Variants in VPS13A observed in about 807,000 individuals in gnomAD.
VPS13A encodes vacuolar protein sorting 13 homolog A.
Under a neutral mutation model 390.9 loss-of-function variants are expected in VPS13A, and 264 were observed. That is an observed-to-expected ratio of 0.68 (90% CI 0.61 to 0.75). The LOEUF (loss-of-function observed/expected upper bound fraction) is 0.75, where lower values mean the gene tolerates loss of function less well. Ranked by LOEUF, VPS13A falls within the 30% of genes least tolerant of loss-of-function variation. The pLI, the probability that VPS13A is intolerant of heterozygous loss-of-function variation, is 0.00. For synonymous variants in VPS13A, 1,231 were observed against 1,227.1 expected (o/e 1.00, Z -0.07); for missense variants, 3,409 against 3,733.9 (o/e 0.91, Z 2.27).
intron 45 of VPS13A, among the ~76,000 whole-genome samples, chr9:77,327,633 A>ATAT (rs563581300): frequency 0.022 from 3,363 of 149,642 alleles, 60 homozygotes; most frequent in Non-Finnish European, 0.03. Context: ...AGGTTTTCTG[A>ATAT]TATTATTATT....
At chr9:77,214,284 A>G (rs1416189190) in intron 9 of VPS13A, 45 bp from the exon 10 acceptor site, 1 of 1,557,310 alleles carries the variant, frequency 6.4e-7, no homozygotes, top group Admixed American at 1.7e-5. Context: ...TCAAAAAAAG[A>G]CATATTGGCA....
intron 1 of VPS13A, among the ~76,000 whole-genome samples, chr9:77,179,692 T>TG (rs199780224): frequency 1.3e-5 from 2 of 152,020 alleles, no homozygotes; most frequent in Non-Finnish European, 1.5e-5. Context: ...TGTACGTTTT[T>TG]TTTTTTTTTT....
intron 31 of VPS13A, among the ~76,000 whole-genome samples, chr9:77,286,103 G>A (rs1827307452): frequency 6.6e-6 from 1 of 152,192 alleles, no homozygotes; most frequent in South Asian, 2.1e-4. Flanking sequence ...GGCACATAGT[G>A]TGTAGCTGTC....
At chr9:77,196,529 A>G (rs949375953) in intron 1 of VPS13A, among the ~76,000 whole-genome samples, 4 of 151,938 alleles carry the variant, frequency 2.6e-5, no homozygotes, top group African/African-American at 9.7e-5. Flanking sequence ...TCTATACACT[A>G]CTTCTATGAG....
intron 5 of VPS13A, among the ~76,000 whole-genome samples, chr9:77,207,705 G>T (rs1376950996): frequency 6.6e-6 from 1 of 152,020 alleles, no homozygotes; most frequent in Non-Finnish European, 1.5e-5. Context: ...TGGATATTGG[G>T]CTGGGAGAGA....
intron 67 of VPS13A, among the ~76,000 whole-genome samples, chr9:77,374,757 G>A (rs1320324499): frequency 2.6e-5 from 4 of 152,084 alleles, no homozygotes; most frequent in Admixed American, 6.6e-5. Context: ...GTGAAATTTA[G>A]TAGTTTCTTT....
intron 33 of VPS13A, among the ~76,000 whole-genome samples, chr9:77,297,059 G>T (rs1439432171): frequency 1.3e-5 from 2 of 151,366 alleles, no homozygotes; most frequent in Non-Finnish European, 2.9e-5. Flanking sequence ...CCGTTTTATT[G>T]ATCTTAAGCA....
chr9:77,339,705 G>T lies in VPS13A; in HGVS notation c.6568G>T (p.Glu2190Ter). Residue 2190 changes from glutamate (E) to a stop codon, truncating the protein, a stop_gained, in exon 48 of 72, where the codon GAA (glutamate) becomes TAA (stop). Coordinates refer to ENST00000360280, the MANE Select transcript of VPS13A (RefSeq NM_033305.3). LOFTEE classifies it high-confidence loss of function. ...CAGTTTTACTTGTGTTACAGAAATG[G>T]AAAAGACTGATTTAGATATTGCTGT... ...FVSFTCVTEM[E>*]KTDLDIAVHM... 6.2e-7 allele frequency: 1 copy of T among 1,613,900 alleles called. No individual in the cohort carries two copies. Among genetic ancestry groups the T allele is most frequent in the Non-Finnish European group, 8.5e-7 (1 of 1,179,950 alleles).
intron 25 of VPS13A, 61 bp downstream of exon 25, chr9:77,275,713 T>C (rs551797090): frequency 6.6e-7 from 1 of 1,514,358 alleles, no homozygotes; most frequent in East Asian, 2.3e-5. Context: ...ATTTACAGCT[T>C]ACTATATAGT....
chr9:77,358,457 A>G lies in VPS13A; in HGVS notation c.8035+19A>G. 1 of 1,591,156 alleles carries G rather than the reference A, an allele frequency of 6.3e-7. No individual in the cohort carries two copies. The highest frequency in any genetic ancestry group is 1.1e-5 in the South Asian group (1 of 90,538). On this transcript the variant is annotated intron_variant, in intron 57 of 71. Coordinates refer to ENST00000360280, the MANE Select transcript of VPS13A (RefSeq NM_033305.3). Reference sequence around the variant, plus strand: ...GATTCAGGTTTGTTTTTATTTTTAGATTTCCATAAAAGCAGTTGTATTAGC... The same window carrying G: ...GATTCAGGTTTGTTTTTATTTTTAGGTTTCCATAAAAGCAGTTGTATTAGC...
chr9:77,197,486 A>C (rs758556790), intron 1 of VPS13A, among the ~76,000 whole-genome samples: 5 of 152,148 alleles, frequency 3.3e-5, no homozygotes, highest in Non-Finnish European at 5.9e-5. Context: ...TTTTTAGTGA[A>C]GTGTCGGTTT....
At position 77,219,946 on chromosome 9, in the gene VPS13A, T is replaced by C; in HGVS notation, c.755-8T>C. ...CTCAGTTTTTTTTCCATTTTTATTATTTTTCAGTATTTCGTCCCATATCTG... is the reference window on the plus strand; with the variant it reads ...CTCAGTTTTTTTTCCATTTTTATTACTTTTCAGTATTTCGTCCCATATCTG... On this transcript the variant is annotated splice_region_variant and splice_polypyrimidine_tract_variant and intron_variant, in intron 10 of 71. Transcript: ENST00000360280. 1 of 1,613,284 alleles carries C rather than the reference T, an allele frequency of 6.2e-7. No individual in the cohort carries two copies. Among genetic ancestry groups the C allele is most frequent in the Non-Finnish European group, 8.5e-7 (1 of 1,179,454 alleles).
At chr9:77,213,056 A>G in intron 8 of VPS13A, 28 bp downstream of exon 8, 1 of 1,612,872 alleles carries the variant, frequency 6.2e-7, no homozygotes. Flanking sequence ...TTGTCAACTC[A>G]TGGACTTAAG....
chr9:77,376,072 T>TC (rs1271997785), intron 67 of VPS13A, among the ~76,000 whole-genome samples: 12 of 152,000 alleles, frequency 7.9e-5, no homozygotes, highest in Non-Finnish European at 1.8e-4. Context: ...CATAAGATTA[T>TC]ATTTGAGGAG....
chr9:77,233,563 T>C (rs1036010428), intron 17 of VPS13A, among the ~76,000 whole-genome samples: 2 of 152,204 alleles, frequency 1.3e-5, no homozygotes, highest in Non-Finnish European at 2.9e-5. Flanking sequence ...CTGTGAGAAC[T>C]GCTTTGGATA....
At chr9:77,209,579 T>G (rs1825858567) in intron 6 of VPS13A, 47 bp downstream of exon 6, 3 of 1,225,152 alleles carry the variant, frequency 2.4e-6, no homozygotes, top group Admixed American at 3.9e-5. Flanking sequence ...TATATGTAAG[T>G]TATTTTACTA....
chr9:77,177,828 C>T, intron 1 of VPS13A, 24 bp downstream of exon 1: 2 of 1,594,508 alleles, frequency 1.3e-6, no homozygotes, highest in Non-Finnish European at 1.7e-6. Context: ...CGCCGCCGCT[C>T]CCCGGCCTCT....
At chr9:77,356,677 A>G (rs1831798802) in intron 54 of VPS13A, 37 bp from the exon 55 acceptor site, 1 of 1,559,586 alleles carries the variant, frequency 6.4e-7, no homozygotes, top group South Asian at 1.2e-5. Flanking sequence ...TTAATAACTT[A>G]GTATTAAATA....
At chr9:77,287,472 C>T (rs1202950152) in intron 31 of VPS13A, among the ~76,000 whole-genome samples, 1 of 152,088 alleles carries the variant, frequency 6.6e-6, no homozygotes, top group African/African-American at 2.4e-5. Flanking sequence ...TGATTACAGA[C>T]ATGAGCTGAG....
Sources: allele counts gnomAD v4.1 joint callset (sites outside exome capture counted in the v4.1 genomes callset), GRCh38; gene constraint gnomAD v4.1.1; transcripts MANE v1.5; gene names NCBI Gene and HGNC (gene_info 2026-07-23, HGNC 2026-07-21).